Variants in PTPRD observed in about 807,000 individuals in gnomAD.
PTPRD encodes the protein protein tyrosine phosphatase receptor type D, also known as receptor-type tyrosine-protein phosphatase delta.
A neutral mutation model predicts 214.5 loss-of-function variants in PTPRD; 34 were observed. The ratio of observed to expected loss-of-function variants is 0.16; its 90% CI spans 0.12 to 0.21. The LOEUF (loss-of-function observed/expected upper bound fraction) is 0.21, where lower values mean the gene tolerates loss of function less well. PTPRD is among the 10% of genes least tolerant of loss of function. The pLI is 1.00. For synonymous variants in PTPRD, 1,128 were observed against 845.7 expected (o/e 1.33, Z -5.79); for missense variants, 2,545 against 2,398.7 (o/e 1.06, Z -1.27).
chr9:9,517,463 T>C (rs964360557), intron 8 of PTPRD, among the ~76,000 whole-genome samples: 4 of 152,098 alleles, frequency 2.6e-5, no homozygotes, highest in African/African-American at 7.2e-5. Flanking sequence ...TAATTAAAGA[T>C]GGCCCCTATA....
At chr9:9,470,792 C>T (rs1156859818) in intron 8 of PTPRD, among the ~76,000 whole-genome samples, 2 of 152,106 alleles carry the variant, frequency 1.3e-5, no homozygotes, top group Non-Finnish European at 2.9e-5. Context: ...TGGAGGGACA[C>T]GAATCAATGT....
intron 3 of PTPRD, among the ~76,000 whole-genome samples, chr9:10,041,072 T>G (rs951373996): frequency 3.9e-5 from 6 of 152,056 alleles, no homozygotes; most frequent in South Asian, 2.1e-4. Context: ...AAAACATAAT[T>G]TTTCATAAAA....
At chr9:8,955,314 TAAC>T (rs966823427) in intron 11 of PTPRD, among the ~76,000 whole-genome samples, 1 of 151,850 alleles carries the variant, frequency 6.6e-6, no homozygotes, top group Admixed American at 6.6e-5. Context: ...GCTGTCTTCT[TAAC>T]AGGAGATCTT....
At chr9:8,572,820 G>A (rs149959175) in intron 14 of PTPRD, among the ~76,000 whole-genome samples, 70 of 151,832 alleles carry the variant, frequency 4.6e-4, no homozygotes, top group African/African-American at 1.6e-3. Flanking sequence ...ATATTACTGT[G>A]TATACTTGGT....
At chr9:9,739,160 C>A (rs138593879) in intron 6 of PTPRD, among the ~76,000 whole-genome samples, 3 of 152,130 alleles carry the variant, frequency 2.0e-5, no homozygotes, top group East Asian at 3.9e-4. Flanking sequence ...CATGAATTCA[C>A]GTGTATATGC....
chr9:9,069,104 G>A (rs1340065970), intron 10 of PTPRD, among the ~76,000 whole-genome samples: 1 of 152,126 alleles, frequency 6.6e-6, no homozygotes, highest in East Asian at 1.9e-4. Context: ...GAGAAAACCT[G>A]ACGGAAGTTC....
intron 3 of PTPRD, among the ~76,000 whole-genome samples, chr9:10,250,377 T>C (rs971271983): frequency 1.3e-5 from 2 of 152,106 alleles, no homozygotes; most frequent in Non-Finnish European, 2.9e-5. Flanking sequence ...TTCTACACTT[T>C]TGAACTCCTG....
intron 2 of PTPRD, among the ~76,000 whole-genome samples, chr9:10,464,662 T>A (rs922054775): frequency 2.0e-4 from 31 of 152,250 alleles, no homozygotes; most frequent in African/African-American, 7.2e-4. Context: ...GTGACCTAAT[T>A]ATGATTTGAA....
intron 2 of PTPRD, among the ~76,000 whole-genome samples, chr9:10,468,398 G>T (rs1248535295): frequency 6.6e-6 from 1 of 152,108 alleles, no homozygotes; most frequent in Non-Finnish European, 1.5e-5. Context: ...ACTGACACAG[G>T]AATAGAAAAC....
chr9:9,805,631 A>G (rs534240272), intron 5 of PTPRD, among the ~76,000 whole-genome samples: 521 of 152,298 alleles, frequency 3.4e-3, no homozygotes, highest in Middle Eastern at 0.01. Context: ...GTACACTTTT[A>G]TGCCTTTATT....
intron 10 of PTPRD, among the ~76,000 whole-genome samples, chr9:9,069,798 A>G (rs2099741082): frequency 6.6e-6 from 1 of 152,196 alleles, no homozygotes; most frequent in Admixed American, 6.5e-5. Context: ...TACAAAACCA[A>G]TCCTAGCAGC....
intron 10 of PTPRD, among the ~76,000 whole-genome samples, chr9:9,151,679 A>T (rs972261467): frequency 1.3e-5 from 2 of 152,198 alleles, no homozygotes; most frequent in East Asian, 3.9e-4. Flanking sequence ...TTTTAATGCA[A>T]AATGCTCCGG....
chr9:8,875,837 A>T (rs1376682321), intron 11 of PTPRD, among the ~76,000 whole-genome samples: 1 of 152,136 alleles, frequency 6.6e-6, no homozygotes, highest in Non-Finnish European at 1.5e-5. Flanking sequence ...ATATGCCTTA[A>T]CTTCTCTGAG....
At chr9:9,091,104 G>A in intron 10 of PTPRD, 2 of 1,404,688 alleles carry the variant, frequency 1.4e-6, no homozygotes, top group East Asian at 2.3e-5. Flanking sequence ...AGCTGTATGT[G>A]AAGCTACATT....
chr9:8,775,577 A>AT (rs5896256), intron 11 of PTPRD, among the ~76,000 whole-genome samples: 108,181 of 152,016 alleles, frequency 0.71, 38,535 homozygotes, highest in Middle Eastern at 0.81. Context: ...CTCAAATATT[A>AT]TTTTTATAAT....
At chr9:9,653,338 G>A (rs1230481640) in intron 7 of PTPRD, among the ~76,000 whole-genome samples, 4 of 91,618 alleles carry the variant, frequency 4.4e-5, no homozygotes, top group Admixed American at 2.0e-4. Context: ...GACAGAGCGA[G>A]ACTCCGTCTC....
At chr9:9,311,268 T>G (rs1409662667) in intron 9 of PTPRD, among the ~76,000 whole-genome samples, 1 of 152,162 alleles carries the variant, frequency 6.6e-6, no homozygotes, top group South Asian at 2.1e-4. Context: ...AGGAAGTTGT[T>G]GAGCAGGCAC....
At chr9:9,162,979 C>T (rs902223319) in intron 10 of PTPRD, among the ~76,000 whole-genome samples, 5 of 152,058 alleles carry the variant, frequency 3.3e-5, no homozygotes, top group South Asian at 2.1e-4. Context: ...ATTTTCTTAC[C>T]TCCTGGGGTA....
intron 36 of PTPRD, among the ~76,000 whole-genome samples, chr9:8,402,327 C>T (rs2092497620): frequency 6.6e-6 from 1 of 152,072 alleles, no homozygotes; most frequent in African/African-American, 2.4e-5. Context: ...ACGAAATGTG[C>T]ATAGTTTTCA....
Sources: gnomAD v4.1 joint callset for allele counts (sites outside exome capture counted in the v4.1 genomes callset) on GRCh38, gnomAD v4.1.1 for gene constraint, MANE v1.5 for transcripts, NCBI Gene and HGNC (gene_info 2026-07-23, HGNC 2026-07-21) for gene names.